Variants in CACNB2 observed in about 807,000 individuals in gnomAD.
CACNB2 encodes the protein voltage-dependent L-type calcium channel subunit beta-2.
A neutral mutation model predicts 73.3 loss-of-function variants in CACNB2; 42 were observed. The observed-to-expected ratio is 0.57, with a 90% CI of 0.45 to 0.74. The LOEUF (loss-of-function observed/expected upper bound fraction) is 0.74. Among genes scored for constraint, CACNB2 ranks in the 30% least tolerant of loss-of-function variants. The pLI, the probability that CACNB2 is intolerant of heterozygous loss-of-function variation, is 0.00. For synonymous variants in CACNB2, 348 were observed against 310.3 expected, an observed-to-expected ratio of 1.12 and a Z score of -1.28; for missense variants, 940 against 853.0, an observed-to-expected ratio of 1.10 and a Z score of -1.27.
chr10:18,513,807 G>A (rs1415155042), intron 6 of CACNB2: 6 of 244,968 alleles, frequency 2.4e-5, no homozygotes, highest in African/African-American at 6.9e-5. Flanking sequence ...TGCAAAAACC[G>A]CAATTACTTT....
intron 2 of CACNB2, among the ~76,000 whole-genome samples, chr10:18,303,455 T>C (rs2039607172): frequency 6.6e-6 from 1 of 151,990 alleles, no homozygotes; most frequent in Non-Finnish European, 1.5e-5. Flanking sequence ...CAGTGAGCCA[T>C]GATCACGCCA....
intron 9 of CACNB2, among the ~76,000 whole-genome samples, chr10:18,521,603 T>C (rs1000976399): frequency 5.3e-5 from 8 of 152,154 alleles, no homozygotes; most frequent in Admixed American, 5.2e-4. Flanking sequence ...GGAGCAAAAA[T>C]AGACAAGGGC....
chr10:18,416,372 C>T (rs1046267265), intron 3 of CACNB2, among the ~76,000 whole-genome samples: 1 of 152,154 alleles, frequency 6.6e-6, no homozygotes, highest in Middle Eastern at 3.2e-3. Flanking sequence ...GGTATTTGGG[C>T]TGCTTCCACC....
chr10:18,155,032 G>T (rs148472810), intron 2 of CACNB2, among the ~76,000 whole-genome samples: 8 of 152,268 alleles, frequency 5.3e-5, no homozygotes, highest in African/African-American at 1.9e-4. Context: ...GCTTGAAAAT[G>T]GGCCTTTTAA....
chr10:18,525,024 C>A, intron 9 of CACNB2, among the ~76,000 whole-genome samples: 1 of 116,400 alleles, frequency 8.6e-6, no homozygotes, highest in Admixed American at 1.0e-4. Flanking sequence ...CAGTGAGATG[C>A]TGTCTAAAAA....
chr10:18,162,730 C>T (rs1315715754), intron 2 of CACNB2, among the ~76,000 whole-genome samples: 1 of 152,182 alleles, frequency 6.6e-6, no homozygotes, highest in Non-Finnish European at 1.5e-5. Flanking sequence ...TAAACCAAGG[C>T]ATGACTTACT....
chr10:18,325,469 T>G (rs1448887229), intron 2 of CACNB2, among the ~76,000 whole-genome samples: 2 of 152,230 alleles, frequency 1.3e-5, no homozygotes, highest in Admixed American at 1.3e-4. Flanking sequence ...TTGCTGGTGT[T>G]ACAGGCTTGA....
chr10:18,220,221 ATAT>A (rs2035707698), intron 2 of CACNB2, among the ~76,000 whole-genome samples: 5 of 57,266 alleles, frequency 8.7e-5, no homozygotes, highest in African/African-American at 5.5e-4. Flanking sequence ...ATATATATAT[ATAT>A]ATATATATAG....
chr10:18,539,374 A>ACAAGT lies in CACNB2; in HGVS notation c.1635_1639dup (p.Arg547GlnfsTer24), dbSNP rs765826443. The ACAAGT allele has an allele frequency of 3.7e-6, 6 of 1,614,128 alleles. No homozygotes were observed. The highest frequency in any genetic ancestry group is 2.2e-5 in the East Asian group (1 of 44,858). ...CCCACACCACAACCATCGCAGTGGG[A>ACAAGT]CAAGTCGCGGCCTCTCCAGGCAAGA... On this transcript the variant is annotated frameshift_variant, in exon 14 of 14. Coordinates refer to ENST00000324631, the MANE Select transcript of CACNB2 (RefSeq NM_201596.3). LOFTEE classifies it high-confidence loss of function.
At chr10:18,188,886 A>G (rs2034272470) in intron 2 of CACNB2, among the ~76,000 whole-genome samples, 1 of 152,166 alleles carries the variant, frequency 6.6e-6, no homozygotes. Context: ...CATACTATGA[A>G]ACTTGAACTC....
intron 2 of CACNB2, among the ~76,000 whole-genome samples, chr10:18,234,629 T>C (rs2036358551): frequency 6.6e-6 from 1 of 152,110 alleles, no homozygotes; most frequent in African/African-American, 2.4e-5. Context: ...AGGACAAATA[T>C]GGCTTGATTC....
chr10:18,381,386 T>A (rs1210842700), intron 2 of CACNB2, among the ~76,000 whole-genome samples: 1 of 151,850 alleles, frequency 6.6e-6, no homozygotes, highest in East Asian at 1.9e-4. Flanking sequence ...GATCCAGGTG[T>A]CAAAAGACAT....
intron 3 of CACNB2, among the ~76,000 whole-genome samples, chr10:18,485,163 C>G (rs946098277): frequency 3.9e-5 from 6 of 152,014 alleles, no homozygotes; most frequent in Non-Finnish European, 8.8e-5. Flanking sequence ...ATATTTGTTT[C>G]AAAACATATT....
chr10:18,530,814 C>T (rs1002670742), intron 10 of CACNB2, among the ~76,000 whole-genome samples: 11 of 152,136 alleles, frequency 7.2e-5, no homozygotes, highest in East Asian at 1.9e-4. Flanking sequence ...TCCTCATTTC[C>T]GTAATACAGA....
At chr10:18,513,771 C>G (rs1261102255) in intron 6 of CACNB2, 4 of 231,058 alleles carry the variant, frequency 1.7e-5, no homozygotes, top group Non-Finnish European at 2.6e-5. Flanking sequence ...GAATGTATTC[C>G]AATATCAAAT....
chr10:18,538,139 T>G (rs1275819978), intron 12 of CACNB2, 41 bp from the exon 13 acceptor site: 1 of 1,607,186 alleles, frequency 6.2e-7, no homozygotes, highest in South Asian at 1.1e-5. Context: ...GGGTGAAAAC[T>G]GGGCTGGCAT....
intron 2 of CACNB2, among the ~76,000 whole-genome samples, chr10:18,295,741 T>G (rs2039250567): frequency 6.6e-6 from 1 of 152,230 alleles, no homozygotes; most frequent in South Asian, 2.1e-4. Flanking sequence ...GTTTCTTGAT[T>G]GAGATACTCC....
At chr10:18,347,314 A>C (rs1432887796) in intron 2 of CACNB2, among the ~76,000 whole-genome samples, 1 of 148,742 alleles carries the variant, frequency 6.7e-6, no homozygotes, top group Non-Finnish European at 1.5e-5. Context: ...AGTAGCTGGG[A>C]CTACAGGCGC....
At position 18,407,109 on chromosome 10, in the gene CACNB2, C is replaced by CTTTTTTTTTTTTTTTTTTTTTTTTTTTT. The variant is rs71507267; in HGVS notation, c.333+5070_333+5097dup. Among the ~76,000 whole-genome samples the CTTTTTTTTTTTTTTTTTTTTTTTTTTTT allele has an allele frequency of 8.4e-4, 30 of 35,614 alleles. 10 individuals carry two copies. The highest frequency in any genetic ancestry group is 1.9e-3 in the South Asian group (1 of 520). 23.4% of individuals were successfully genotyped at this position (35,614 alleles called of 152,430 possible). The stretch of plus-strand genomic sequence containing the variant: ...CTAAAGTCCAGACCTGCTGTTCTGT[C>CTTTTTTTTTTTTTTTTTTTTTTTTTTTT]TTTTTTTTTTTTTTTTTTTTTTTTT... On this transcript the variant is annotated intron_variant, in intron 3 of 13. Coordinates refer to ENST00000324631, the MANE Select transcript of CACNB2 (RefSeq NM_201596.3).
Sources: allele counts gnomAD v4.1 joint callset (sites outside exome capture counted in the v4.1 genomes callset), GRCh38; gene constraint gnomAD v4.1.1; transcripts MANE v1.5; gene names NCBI Gene and HGNC (gene_info 2026-07-23, HGNC 2026-07-21).